The following DMGDH variants were observed in gnomAD, a reference collection of about 807,000 sequenced individuals.
DMGDH encodes the protein dimethylglycine dehydrogenase.
DMGDH carries 76 observed loss-of-function variants against 95.2 expected under a neutral mutation model. That is an observed-to-expected ratio of 0.80 (90% CI 0.66 to 0.97). The LOEUF is 0.97. DMGDH is among the 50% of genes least tolerant of loss of function. DMGDH has a pLI of 0.00. For synonymous variants in DMGDH, 345 were observed against 377.6 expected, an observed-to-expected ratio of 0.91 and a Z score of 1.00; for missense variants, 987 against 1,055.0, an observed-to-expected ratio of 0.94 and a Z score of 0.89.
chr5:79,028,783 C>T, intron 11 of DMGDH, 133 bp from the exon 12 acceptor site: 1 of 1,003,698 alleles, frequency 1.0e-6, no homozygotes, highest in South Asian at 1.4e-5. Flanking sequence ...CATGAAATCA[C>T]ACTGATTTTT....
intron 1 of DMGDH, among the ~76,000 whole-genome samples, chr5:79,067,575 C>T (rs988779643): frequency 2.6e-5 from 4 of 152,054 alleles, no homozygotes; most frequent in South Asian, 2.1e-4. Context: ...ATTTGCAAAA[C>T]GGAGCTGTGA....
Position 79,054,290 on chromosome 5 carries a change from T to C in DMGDH, c.434A>G (p.Asp145Gly). The C allele has an allele frequency of 6.2e-7, 1 of 1,614,162 alleles. No homozygotes were observed. The highest frequency in any genetic ancestry group is 8.5e-7 in the Non-Finnish European group (1 of 1,180,010). ...CCGAGTCATTTGATATTTAAATTCA[T>C]CTACCCTTACAGGGGTGGTAGCAAG... is the stretch of plus-strand genomic sequence containing the variant. ...IRLATTPVRV[D>G]EFKYQMTRTG... is the part of the protein sequence containing the mutation. Residue 145 changes from aspartate to glycine, a missense_variant, in exon 4 of 16, where the codon GAT (aspartate) becomes GGT (glycine). Physicochemically the swap from Asp to Gly is moderately conservative, Grantham distance 94 (BLOSUM62 -1). Transcript: ENST00000255189.
intron 7 of DMGDH, among the ~76,000 whole-genome samples, chr5:79,041,763 G>A (rs1472789086): frequency 6.6e-6 from 1 of 152,094 alleles, no homozygotes; most frequent in Non-Finnish European, 1.5e-5. Flanking sequence ...GGGAGGCTGA[G>A]GTGGGCAGAT....
chr5:79,045,696 T>C (rs538454288), intron 5 of DMGDH, among the ~76,000 whole-genome samples: 3 of 152,318 alleles, frequency 2.0e-5, no homozygotes, highest in African/African-American at 7.2e-5. Flanking sequence ...TTCATAATAA[T>C]TTTGAGTGAT....
chr5:79,003,817 C>A (rs1034547546), intron 15 of DMGDH, among the ~76,000 whole-genome samples: 2 of 152,116 alleles, frequency 1.3e-5, no homozygotes, highest in East Asian at 3.9e-4. Context: ...CATGGTGGCA[C>A]GCACCTGTAA....
rs778417116 is a variant in DMGDH, at chr5:79,054,313, A to C, written c.411T>G (p.Leu137=). 8.7e-6 allele frequency: 14 copies of C among 1,614,024 alleles called. No homozygotes were observed. The highest frequency in any genetic ancestry group is 1.2e-5 in the Non-Finnish European group (14 of 1,180,012). Residue 137 remains leucine (L), a synonymous_variant, in exon 4 of 16, where the codon CTT becomes CTG. Transcript: ENST00000255189. ...VGFHQPGSIR[L]ATTPVRVDEF... ...CATCTACCCTTACAGGGGTGGTAGCAAGTCTGATACTACCTGGCTGATGGA... is the reference window on the plus strand; with the variant it reads ...CATCTACCCTTACAGGGGTGGTAGCCAGTCTGATACTACCTGGCTGATGGA...
intron 14 of DMGDH, among the ~76,000 whole-genome samples, chr5:79,012,535 A>T (rs1450751804): frequency 2.6e-5 from 4 of 152,172 alleles, no homozygotes; most frequent in African/African-American, 9.6e-5. Context: ...TGGGGGCTCC[A>T]ACCCCACATT....
intron 7 of DMGDH, among the ~76,000 whole-genome samples, chr5:79,036,671 T>C (rs1754355737): frequency 6.6e-6 from 1 of 152,180 alleles, no homozygotes; most frequent in Non-Finnish European, 1.5e-5. Flanking sequence ...ACCTATTCCC[T>C]GAACTGGCTG....
intron 13 of DMGDH, among the ~76,000 whole-genome samples, chr5:79,026,080 T>G (rs1208799261): frequency 3.9e-5 from 6 of 152,138 alleles, no homozygotes; most frequent in Admixed American, 3.3e-4. Flanking sequence ...AGGTATAAGA[T>G]AAGAAGAAAA....
At chr5:79,019,670 A>C (rs1257177117) in intron 14 of DMGDH, among the ~76,000 whole-genome samples, 1 of 152,112 alleles carries the variant, frequency 6.6e-6, no homozygotes, top group African/African-American at 2.4e-5. Context: ...GGATCACCTG[A>C]GGTCAGGAGT....
At chr5:79,050,273 A>ATATAT (rs1389866153) in intron 5 of DMGDH, among the ~76,000 whole-genome samples, 3 of 20,918 alleles carry the variant, frequency 1.4e-4, no homozygotes, top group Non-Finnish European at 1.9e-4. Flanking sequence ...AAAAAAAAAA[A>ATATAT]ATATATATAT....
At chr5:79,022,146 G>C (rs1007049651) in intron 14 of DMGDH, among the ~76,000 whole-genome samples, 3 of 152,108 alleles carry the variant, frequency 2.0e-5, no homozygotes, top group South Asian at 2.1e-4. Context: ...AAAATGCCAG[G>C]GTTTTTGCTG....
chr5:79,026,207 G>A (rs1293316116), intron 13 of DMGDH, among the ~76,000 whole-genome samples: 1 of 152,142 alleles, frequency 6.6e-6, no homozygotes, highest in Non-Finnish European at 1.5e-5. Context: ...AGCCAACTAG[G>A]ATGAATTAAG....
chr5:79,005,456 A>T, intron 14 of DMGDH, 49 bp from the exon 15 acceptor site: 1 of 1,612,872 alleles, frequency 6.2e-7, no homozygotes, highest in Non-Finnish European at 8.5e-7. Context: ...AGACACTGTG[A>T]CAAGGTTAGA....
chr5:79,062,165 T>C lies in DMGDH; in HGVS notation c.276+1448A>G, dbSNP rs542008249. On this transcript the variant is annotated intron_variant, in intron 2 of 15. Coordinates refer to ENST00000255189, the MANE Select transcript of DMGDH (RefSeq NM_013391.3). ...GGTCTCTGTTGGCAGGTCGCCTCTT[T>C]GAAACATCCTCCCTAGCACCTCCTT... 4.6e-5 allele frequency among the ~76,000 whole-genome samples: 7 copies of C among 152,068 alleles called. No individual in the cohort carries two copies. The South Asian group carries it at 1.3e-3, about 27-fold the overall frequency.
intron 1 of DMGDH, among the ~76,000 whole-genome samples, chr5:79,066,462 T>G (rs1032135526): frequency 1.3e-5 from 2 of 151,270 alleles, no homozygotes; most frequent in African/African-American, 4.9e-5. Context: ...ATTTTTTTTT[T>G]TTTTTGTATT....
In DMGDH at chr5:79,042,170, T is replaced by C. The variant is rs187460587; in HGVS notation, c.1193+113A>G. On this transcript the variant is annotated intron_variant, in intron 7 of 15. Transcript: ENST00000255189. ...TCTCTGGGTCTCTCTCTGTTTCTCT[T>C]TCTCTCTCTCTCAGCCTCCCACATT... 3.9e-5 allele frequency: 39 copies of C among 1,003,986 alleles called. No individual in the cohort carries two copies. The Admixed American group carries it at 7.1e-4, about 18-fold the overall frequency. The allele number at this position is 1,003,986 out of a possible 1,614,324, so 62.2% of individuals were successfully genotyped here.
intron 14 of DMGDH, 139 bp from the exon 15 acceptor site, chr5:79,005,546 T>A: frequency 8.3e-7 from 1 of 1,201,164 alleles, no homozygotes; most frequent in Non-Finnish European, 1.2e-6. Flanking sequence ...ATCATATGTC[T>A]AGACAAATAT....
chr5:79,026,262 A>C (rs1371889388), intron 13 of DMGDH, among the ~76,000 whole-genome samples, 162 bp downstream of exon 13: 1 of 152,218 alleles, frequency 6.6e-6, no homozygotes, highest in Non-Finnish European at 1.5e-5. Flanking sequence ...TTCACTTGAG[A>C]AATTAAGGAG....
Sources: gnomAD v4.1 joint callset for allele counts (sites outside exome capture counted in the v4.1 genomes callset) on GRCh38, gnomAD v4.1.1 for gene constraint, MANE v1.5 for transcripts, NCBI Gene and HGNC (gene_info 2026-07-23, HGNC 2026-07-21) for gene names.